The following URB2 variants were observed in gnomAD, a reference collection of about 807,000 sequenced individuals.
URB2 encodes unhealthy ribosome biogenesis protein 2 homolog.
In URB2, 86 loss-of-function variants were observed where a neutral mutation model predicts 120.9. The ratio of observed to expected loss-of-function variants is 0.71; its 90% CI spans 0.60 to 0.85. The LOEUF is 0.85. URB2 is among the 40% of genes least tolerant of loss of function. The pLI, the probability that URB2 is intolerant of heterozygous loss-of-function variation, is 0.00. For synonymous variants in URB2, 755 were observed against 758.4 expected (o/e 1.00, Z 0.07); for missense variants, 1,765 against 1,836.5 (o/e 0.96, Z 0.71).
intron 7 of URB2, among the ~76,000 whole-genome samples, chr1:229,650,266 G>A (rs1270241727): frequency 2.0e-5 from 3 of 152,162 alleles, no homozygotes; most frequent in Admixed American, 6.5e-5. Context: ...CACTTGAAAT[G>A]TGGCCAGTAT....
intron 6 of URB2, among the ~76,000 whole-genome samples, chr1:229,646,795 A>C: frequency 6.6e-6 from 1 of 152,242 alleles, no homozygotes; most frequent in East Asian, 1.9e-4. Flanking sequence ...TCTTACACTT[A>C]GGTGCGAAGG....
intron 8 of URB2, among the ~76,000 whole-genome samples, chr1:229,652,589 C>G (rs934611584): frequency 9.2e-5 from 14 of 152,260 alleles, no homozygotes; most frequent in Non-Finnish European, 1.5e-4. Flanking sequence ...CAGAGCACGT[C>G]AGCTTCATAT....
At position 229,645,887 on chromosome 1, in the gene URB2, G is replaced by A. The variant is rs1485141380; in HGVS notation, c.3824G>A (p.Arg1275Lys). Residue 1275 changes from arginine to lysine, a missense_variant, in exon 6 of 10, where the codon AGG becomes AAG. By Grantham distance (26) the Arg-to-Lys change is conservative. Transcript: ENST00000258243. ...GTTGTGTCAGCTGTTACACTGCTGAGGCTGCTACTGAACTGCCCACTCAGT... is the reference window on the plus strand; with the variant it reads ...GTTGTGTCAGCTGTTACACTGCTGAAGCTGCTACTGAACTGCCCACTCAGT... ...QAVVSAVTLL[R>K]LLLNCPLSGE... 1 of 1,614,166 alleles carries A rather than the reference G, an allele frequency of 6.2e-7. No individual in the cohort carries two copies. The highest frequency in any genetic ancestry group is 1.1e-5 in the South Asian group (1 of 91,080).
intron 9 of URB2, among the ~76,000 whole-genome samples, chr1:229,655,862 A>G (rs1320953652): frequency 6.6e-6 from 1 of 152,230 alleles, no homozygotes; most frequent in African/African-American, 2.4e-5. Flanking sequence ...GCTGGGTTGA[A>G]TGGGCTTCCT....
In URB2 at chr1:229,636,965, A is replaced by C. The variant is rs569642474; in HGVS notation, c.2352A>C (p.Ala784=). 6.2e-7 allele frequency: 1 copy of C among 1,614,146 alleles called. No individual in the cohort carries two copies. The highest frequency in any genetic ancestry group is 1.3e-5 in the African/African-American group (1 of 75,078). ...KAQEVSIDEE[A]YITLEKISKA... The stretch of plus-strand genomic sequence containing the variant: ...AGGAAGTCTCAATAGATGAAGAGGC[A>C]TACATCACACTGGAAAAAATATCCA... Residue 784 remains alanine, a synonymous_variant, in exon 4 of 10, where the codon GCA becomes GCC. Coordinates refer to ENST00000258243, the MANE Select transcript of URB2 (RefSeq NM_014777.4).
At chr1:229,626,977 TAC>T (rs1308718806) in intron 1 of URB2, among the ~76,000 whole-genome samples, 1 of 152,250 alleles carries the variant, frequency 6.6e-6, no homozygotes, top group Non-Finnish European at 1.5e-5. Context: ...AAGCCAAGTT[TAC>T]CCAGTTTAAT....
Position 229,637,086 on chromosome 1 carries a change from T to A in URB2, c.2473T>A (p.Ser825Thr), listed in dbSNP as rs554418897. Reference protein sequence around the residue: ...VTTSCSSILCSGAQRDSGLVS... With the variant: ...VTTSCSSILCTGAQRDSGLVS... ...CACAAGTTGCTCCAGCATTCTGTGT[T>A]CTGGTGCCCAGCGTGACTCAGGTCT... The change falls in exon 4 of 10, where the codon TCT (serine) becomes ACT (threonine). Residue 825 changes from serine to threonine, a missense_variant. By Grantham distance (58) the Ser-to-Thr change is moderately conservative. Coordinates refer to ENST00000258243, the MANE Select transcript of URB2 (RefSeq NM_014777.4). 2 of 1,613,854 alleles carry A rather than the reference T, an allele frequency of 1.2e-6. No individual in the cohort carries two copies. The highest frequency in any genetic ancestry group is 3.3e-5 in the Admixed American group (2 of 60,006).
chr1:229,646,682 G>A (rs776697179), intron 6 of URB2, among the ~76,000 whole-genome samples: 3 of 152,190 alleles, frequency 2.0e-5, no homozygotes, highest in Middle Eastern at 3.2e-3. Flanking sequence ...TTACTCAAAT[G>A]TTAAAATTTG....
Position 229,636,951 on chromosome 1 carries a change from A to T in URB2, c.2338A>T (p.Ile780Leu). 1 of 1,614,064 alleles carries T rather than the reference A, an allele frequency of 6.2e-7. No homozygotes were observed. The highest frequency in any genetic ancestry group is 8.5e-7 in the Non-Finnish European group (1 of 1,180,000). ...CATGGGCAAAGCCCAGGAAGTCTCAATAGATGAAGAGGCATACATCACACT... is the reference window on the plus strand; with the variant it reads ...CATGGGCAAAGCCCAGGAAGTCTCATTAGATGAAGAGGCATACATCACACT... The part of the protein sequence containing the change: ...LPMGKAQEVS[I>L]DEEAYITLEK... Residue 780 changes from isoleucine (I) to leucine (L), a missense_variant, in exon 4 of 10, where the codon ATA (isoleucine) becomes TTA (leucine). By Grantham distance (5) the Ile-to-Leu change is conservative (BLOSUM62 2). Transcript: ENST00000258243.
Position 229,637,607 on chromosome 1 carries a change from C to G in URB2, c.2994C>G (p.Leu998=). ...ATGATCCCGCTTGGCTGGAATTCCT[C>G]CAAGTGATAGGGACGTTCTTAGAGG... ...EMDDPAWLEF[L]QVIGTFLEEL... is the part of the protein sequence containing the mutation. The change falls in exon 4 of 10, where the codon CTC becomes CTG. Residue 998 remains leucine (L), a synonymous_variant. Transcript: ENST00000258243. 1.2e-6 allele frequency: 2 copies of G among 1,614,134 alleles called. No individual in the cohort carries two copies. The highest frequency in any genetic ancestry group is 1.3e-5 in the African/African-American group (1 of 75,054).
rs770028492 is a variant in URB2, at chr1:229,651,280, T to C, written c.4195T>C (p.Leu1399=). Residue 1399 remains leucine (L), a synonymous_variant, in exon 8 of 10, where the codon TTG becomes CTG. Coordinates refer to ENST00000258243, the MANE Select transcript of URB2 (RefSeq NM_014777.4). ...IPSFLNSFNR[L]VFSVMREGRQ... is the part of the protein sequence containing the mutation. ...TTCTTTCTTGAACTCTTTCAATAGA[T>C]TGGTGTTTTCAGTTATGCGGGAAGG... 1.2e-6 allele frequency: 2 copies of C among 1,612,486 alleles called. No individual in the cohort carries two copies. The highest frequency in any genetic ancestry group is 1.7e-6 in the Non-Finnish European group (2 of 1,179,328).
At chr1:229,647,861 A>C (rs1160712377) in intron 7 of URB2, 109 bp downstream of exon 7, 1 of 1,477,124 alleles carries the variant, frequency 6.8e-7, no homozygotes, top group Non-Finnish European at 9.0e-7. Flanking sequence ...AATAATACAA[A>C]TAACGATTTG....
chr1:229,646,812 A>T (rs990402652), intron 6 of URB2, among the ~76,000 whole-genome samples: 4 of 152,226 alleles, frequency 2.6e-5, no homozygotes, highest in Non-Finnish European at 5.9e-5. Context: ...AAGGAGCAGT[A>T]TCTATTTTAC....
In URB2 at chr1:229,637,520, T is replaced by C. The variant is rs767394794; in HGVS notation, c.2907T>C (p.Asp969=). 4 of 1,614,086 alleles carry C rather than the reference T, an allele frequency of 2.5e-6. No individual in the cohort carries two copies. In the African/African-American group the frequency reaches 4.0e-5, roughly 16 times the overall value. Residue 969 remains aspartate, a synonymous_variant, in exon 4 of 10, where the codon GAT becomes GAC. Coordinates refer to ENST00000258243, the MANE Select transcript of URB2 (RefSeq NM_014777.4). ...RSVFKIMYGS[D]IFEVVLTSLF... ...TGTTCAAGATCATGTATGGTAGTGA[T>C]ATTTTTGAGGTTGTACTGACCTCAT...
chr1:229,656,833 C>CT (rs1278439129), intron 9 of URB2, among the ~76,000 whole-genome samples: 3 of 152,186 alleles, frequency 2.0e-5, no homozygotes, highest in East Asian at 1.9e-4. Context: ...CTTTCATCTC[C>CT]TTTTTTACCT....
chr1:229,649,275 A>G (rs1666217049), intron 7 of URB2, among the ~76,000 whole-genome samples: 1 of 152,192 alleles, frequency 6.6e-6, no homozygotes, highest in South Asian at 2.1e-4. Context: ...TTCTAACTCT[A>G]AAGCCTTCCC....
chr1:229,654,510 T>A (rs1666360323), intron 9 of URB2, 122 bp downstream of exon 9: 7 of 1,416,162 alleles, frequency 4.9e-6, no homozygotes, highest in Non-Finnish European at 2.9e-6. Context: ...TGTGCAAGTT[T>A]TAGACAGGGT....
chr1:229,638,283 A>G (rs1240159885), intron 4 of URB2, 36 bp downstream of exon 4: 2 of 1,544,400 alleles, frequency 1.3e-6, no homozygotes, highest in South Asian at 2.5e-5. Context: ...TCTGTGTTAT[A>G]GAGGTCTGGT....
rs199621407 is a variant in URB2 at position 229,654,404 on chromosome 1, A to G, written c.4377+16A>G. ...GGTACAGAAGGTAAAATTGGGTTCA[A>G]TGTCTTTCACCAAGTACTGTGTTTA... On this transcript the variant is annotated intron_variant, in intron 9 of 9. Coordinates refer to ENST00000258243, the MANE Select transcript of URB2 (RefSeq NM_014777.4). 1.4e-3 allele frequency: 2,277 copies of G among 1,614,134 alleles called. 2 individuals carry two copies. Among genetic ancestry groups the G allele is most frequent in the Non-Finnish European group, 1.5e-3 (1,793 of 1,180,006 alleles).
Sources: allele counts gnomAD v4.1 joint callset (sites outside exome capture counted in the v4.1 genomes callset), GRCh38; gene constraint gnomAD v4.1.1; transcripts MANE v1.5; gene names NCBI Gene and HGNC (gene_info 2026-07-23, HGNC 2026-07-21).